Variants in TFDP2 observed in about 807,000 individuals in gnomAD.
The protein encoded by TFDP2 is transcription factor Dp-2.
TFDP2 carries 17 observed loss-of-function variants against 59.3 expected under a neutral mutation model. The ratio of observed to expected loss-of-function variants is 0.29; its 90% confidence interval spans 0.20 to 0.43. The LOEUF (loss-of-function observed/expected upper bound fraction) is 0.43, where lower values mean the gene tolerates loss of function less well. Ranked by LOEUF, TFDP2 falls within the 20% of genes least tolerant of loss-of-function variation. The pLI, the probability that TFDP2 is intolerant of heterozygous loss-of-function variation, is 1.00. For missense variants in TFDP2, 391 were observed against 528.8 expected, an observed-to-expected ratio of 0.74 and a Z score of 2.56; for synonymous variants, 180 against 194.7, an observed-to-expected ratio of 0.92 and a Z score of 0.63.
intron 3 of TFDP2, among the ~76,000 whole-genome samples, chr3:142,063,676 A>T (rs941530235): frequency 2.0e-5 from 3 of 152,236 alleles, no homozygotes; most frequent in Non-Finnish European, 2.9e-5. Context: ...TGAAAAAGCA[A>T]CAAAATGAAT....
chr3:142,037,418 T>C (rs1946740455), intron 3 of TFDP2, among the ~76,000 whole-genome samples: 1 of 152,206 alleles, frequency 6.6e-6, no homozygotes, highest in African/African-American at 2.4e-5. Flanking sequence ...TGTATGCTCT[T>C]TTATTATAGA....
intron 3 of TFDP2, among the ~76,000 whole-genome samples, chr3:142,018,579 C>T (rs941336872): frequency 6.6e-6 from 1 of 151,998 alleles, no homozygotes; most frequent in Non-Finnish European, 1.5e-5. Flanking sequence ...CCTTCCCACT[C>T]AGCCTCCTCA....
At chr3:141,958,785 A>G (rs1193015803) in intron 11 of TFDP2, among the ~76,000 whole-genome samples, 1 of 152,180 alleles carries the variant, frequency 6.6e-6, no homozygotes, top group Non-Finnish European at 1.5e-5. Context: ...AGCAGCGTAC[A>G]CAAATGTGAA....
chr3:142,147,283 T>C (rs1042291591), intron 1 of TFDP2, among the ~76,000 whole-genome samples: 1 of 152,226 alleles, frequency 6.6e-6, no homozygotes, highest in Non-Finnish European at 1.5e-5. Context: ...TTGATTCTCT[T>C]TAAAATCCAC....
intron 3 of TFDP2, among the ~76,000 whole-genome samples, chr3:142,013,795 T>G (rs1340355417): frequency 1.3e-5 from 2 of 151,966 alleles, no homozygotes; most frequent in African/African-American, 4.8e-5. Context: ...TATAATTCTT[T>G]AGGGGGTTCC....
intron 10 of TFDP2, among the ~76,000 whole-genome samples, chr3:141,963,254 TAATG>T (rs1183942022): frequency 6.6e-6 from 1 of 152,206 alleles, no homozygotes; most frequent in Non-Finnish European, 1.5e-5. Context: ...TTATTTGCCA[TAATG>T]AATATTATCA....
intron 1 of TFDP2, among the ~76,000 whole-genome samples, chr3:142,113,979 A>G (rs970336569): frequency 2.0e-5 from 3 of 152,058 alleles, no homozygotes; most frequent in African/African-American, 7.2e-5. Context: ...CCTGTCTAAC[A>G]CGGTGAATCC....
At chr3:142,107,948 A>T (rs1185801321) in intron 1 of TFDP2, among the ~76,000 whole-genome samples, 1 of 152,170 alleles carries the variant, frequency 6.6e-6, no homozygotes, top group Non-Finnish European at 1.5e-5. Context: ...TATAGGACAT[A>T]TACATATGCC....
intron 3 of TFDP2, among the ~76,000 whole-genome samples, chr3:142,011,082 A>T (rs1312892517): frequency 6.8e-5 from 4 of 59,238 alleles, no homozygotes; most frequent in Non-Finnish European, 1.0e-4. Flanking sequence ...CAGCCATCCC[A>T]TTACTGGGTA....
intron 1 of TFDP2, chr3:142,126,108 A>T (rs2062235565): frequency 6.6e-6 from 1 of 152,062 alleles, no homozygotes; most frequent in African/African-American, 2.4e-5. Context: ...AACAACACCA[A>T]ATCCACTAAA....
rs980904314 is a variant in TFDP2, at chr3:141,945,286, C to T, written c.*7227G>A. 2.0e-5 allele frequency: 3 copies of T among 152,028 alleles called. No individual in the cohort carries two copies. Among genetic ancestry groups the T allele is most frequent in the African/African-American group, 4.9e-5 (2 of 41,188 alleles). 9.4% of individuals were successfully genotyped at this position (152,028 alleles called of 1,614,324 possible). ...CTGGGATTACAGGCATGCGCCACCA[C>T]ACCCGGCTAATTTTATATTTTTAGT... is the stretch of plus-strand genomic sequence containing the variant. On this transcript the variant is annotated 3_prime_UTR_variant, in exon 13 of 13. Coordinates refer to ENST00000489671, the MANE Select transcript of TFDP2 (RefSeq NM_001178139.2).
At chr3:142,102,541 TAAGAA>T (rs1430781450) in intron 1 of TFDP2, among the ~76,000 whole-genome samples, 1 of 152,136 alleles carries the variant, frequency 6.6e-6, no homozygotes, top group Non-Finnish European at 1.5e-5. Context: ...TCATAACTAA[TAAGAA>T]AAGAATAATT....
chr3:141,980,138 C>G (rs1941308397), intron 6 of TFDP2, among the ~76,000 whole-genome samples: 1 of 151,178 alleles, frequency 6.6e-6, no homozygotes, highest in African/African-American at 2.4e-5. Flanking sequence ...CTCCTGACCT[C>G]AAGTGATCCC....
chr3:142,002,250 C>T (rs1396492822), intron 4 of TFDP2, among the ~76,000 whole-genome samples: 1 of 151,882 alleles, frequency 6.6e-6, no homozygotes, highest in East Asian at 1.9e-4. Flanking sequence ...CAGCCTTGGC[C>T]TCCCAAAGTG....
intron 1 of TFDP2, among the ~76,000 whole-genome samples, chr3:142,141,426 T>G (rs2062959947): frequency 6.6e-6 from 1 of 152,206 alleles, no homozygotes; most frequent in Non-Finnish European, 1.5e-5. Flanking sequence ...CAGTTGGAAA[T>G]GCAGAAATCA....
rs530407082 is a variant in TFDP2 at position 141,949,061 on chromosome 3, G to C, written c.*3452C>G. The C allele has an allele frequency of 4.2e-4, 50 of 118,632 alleles. 1 individual carries two copies. The highest frequency in any genetic ancestry group is 1.5e-3 in the African/African-American group (44 of 29,144). The allele number at this position is 118,632 out of a possible 1,614,324, so 7.3% of individuals were successfully genotyped here. ...ACTGCACTCCAGCCTGGGCAACAGAGCGAGACTCAGTCTCAAAAAAAAAAA... is the reference window on the plus strand; with the variant it reads ...ACTGCACTCCAGCCTGGGCAACAGACCGAGACTCAGTCTCAAAAAAAAAAA... On this transcript the variant is annotated 3_prime_UTR_variant, in exon 13 of 13. Coordinates refer to ENST00000489671, the MANE Select transcript of TFDP2 (RefSeq NM_001178139.2).
intron 1 of TFDP2, among the ~76,000 whole-genome samples, chr3:142,146,615 C>G (rs1242462638): frequency 6.6e-6 from 1 of 152,134 alleles, no homozygotes; most frequent in Non-Finnish European, 1.5e-5. Flanking sequence ...GCCAAAGAAG[C>G]AAGTCTACTC....
chr3:142,027,200 T>C (rs540669640), intron 3 of TFDP2, among the ~76,000 whole-genome samples: 2 of 152,338 alleles, frequency 1.3e-5, no homozygotes, highest in East Asian at 1.9e-4. Flanking sequence ...TCATTAATTA[T>C]ACAGGCTACA....
chr3:142,117,953 C>T (rs888989547), intron 1 of TFDP2, among the ~76,000 whole-genome samples: 3 of 152,058 alleles, frequency 2.0e-5, no homozygotes, highest in Non-Finnish European at 4.4e-5. Context: ...CAGAAATTAG[C>T]CGGGTGTGGT....
Sources: gnomAD v4.1 joint callset for allele counts (sites outside exome capture counted in the v4.1 genomes callset) on GRCh38, gnomAD v4.1.1 for gene constraint, MANE v1.5 for transcripts, NCBI Gene and HGNC (gene_info 2026-07-23, HGNC 2026-07-21) for gene names.